The following CNTNAP3 variants were observed in gnomAD, a reference collection of about 807,000 sequenced individuals.
CNTNAP3 encodes contactin-associated protein-like 3.
In CNTNAP3, 36 loss-of-function variants were observed where a neutral mutation model predicts 92.1. That is an observed-to-expected ratio of 0.39 (90% CI 0.30 to 0.52). CNTNAP3 has a LOEUF of 0.52. Ranked by LOEUF, CNTNAP3 falls within the 20% of genes least tolerant of loss-of-function variation. The pLI is 0.76. For synonymous variants in CNTNAP3, 232 were observed against 422.3 expected (o/e 0.55, Z 5.53); for missense variants, 534 against 1,069.6 (o/e 0.50, Z 6.98).
In CNTNAP3 at chr9:39,067,271, C is replaced by T. The variant is rs1489236755; in HGVS notation, c.*6619G>A. On this transcript the variant is annotated 3_prime_UTR_variant, in exon 24 of 24. Coordinates refer to ENST00000297668, the MANE Select transcript of CNTNAP3 (RefSeq NM_033655.5). Reference sequence around the variant, plus strand: ...GTCATAATATTTTTCATTAGTAATTCTAACATCTGGGTATGTGCTGGGTCA... The same window carrying T: ...GTCATAATATTTTTCATTAGTAATTTTAACATCTGGGTATGTGCTGGGTCA... Among the ~76,000 whole-genome samples, 5 of 152,302 alleles carry T rather than the reference C, an allele frequency of 3.3e-5. No homozygotes were observed. The highest frequency in any genetic ancestry group is 7.3e-5 in the Non-Finnish European group (5 of 68,052).
In CNTNAP3 at chr9:39,067,161, A is replaced by G. The variant is rs1399371814; in HGVS notation, c.*6729T>C. 1.3e-5 allele frequency among the ~76,000 whole-genome samples: 2 copies of G among 152,422 alleles called. No individual in the cohort carries two copies. The highest frequency in any genetic ancestry group is 2.9e-5 in the Non-Finnish European group (2 of 68,050). The stretch of plus-strand genomic sequence containing the variant: ...TTAATTACATCCATTGTATTTTTTA[A>G]TCTTATACATTAACATTGTCATCTC... On this transcript the variant is annotated 3_prime_UTR_variant, in exon 24 of 24. Coordinates refer to ENST00000297668, the MANE Select transcript of CNTNAP3 (RefSeq NM_033655.5).
Position 39,084,528 on chromosome 9 carries a change from G to GA in CNTNAP3, c.3442+1207dup, listed in dbSNP as rs1564068608. ...ATATTTTTAAATGAAGGGATGAATC[G>GA]AAGATTTACAGGGACTCAAGAGAAA... On this transcript the variant is annotated intron_variant, in intron 21 of 23. Coordinates refer to ENST00000297668, the MANE Select transcript of CNTNAP3 (RefSeq NM_033655.5). Among the ~76,000 whole-genome samples the GA allele has an allele frequency of 4.0e-5, 6 of 149,134 alleles. No homozygotes were observed. The South Asian group carries it at 6.4e-4, about 16-fold the overall frequency.
chr9:39,170,434 T>A lies in CNTNAP3; in HGVS notation c.1333+935A>T, dbSNP rs1161378903. ...TCAGATTACGCTTTTTTTTTTTTTT[T>A]AAAGCCCCCATTTAGTTCCGATGCC... On this transcript the variant is annotated intron_variant, in intron 8 of 23. Transcript: ENST00000297668. Among the ~76,000 whole-genome samples the A allele has an allele frequency of 4.9e-5, 6 of 123,600 alleles. 1 individual carries two copies. Among genetic ancestry groups the A allele is most frequent in the South Asian group, 5.1e-4 (2 of 3,900 alleles). 81.1% of individuals were successfully genotyped at this position (123,600 alleles called of 152,430 possible). A position where few individuals can be genotyped will look rare whatever the true frequency, so the allele number is the denominator to read the frequency against.
chr9:39,103,931 A>C lies in CNTNAP3; in HGVS notation c.2366-17T>G. The C allele has an allele frequency of 6.4e-7, 1 of 1,559,506 alleles. No homozygotes were observed. Among genetic ancestry groups the C allele is most frequent in the Non-Finnish European group, 8.6e-7 (1 of 1,159,408 alleles). On this transcript the variant is annotated splice_polypyrimidine_tract_variant and intron_variant, in intron 15 of 23. Coordinates refer to ENST00000297668, the MANE Select transcript of CNTNAP3 (RefSeq NM_033655.5). ...AGAATGACTCTGTTTACAATAGAGA[A>C]AACGACAAAAGGAAAAAAAGTCATG... is the stretch of plus-strand genomic sequence containing the variant.
At chr9:39,122,595 A>G (rs1563884977) in intron 13 of CNTNAP3, among the ~76,000 whole-genome samples, 1 of 152,208 alleles carries the variant, frequency 6.6e-6, no homozygotes, top group Non-Finnish European at 1.5e-5. Context: ...CAGTTATGCA[A>G]AGAGCAAATT....
intron 11 of CNTNAP3, among the ~76,000 whole-genome samples, chr9:39,142,259 A>G (rs1821593941): frequency 6.6e-6 from 1 of 152,182 alleles, no homozygotes; most frequent in African/African-American, 2.4e-5. Context: ...CTTTTAGGTA[A>G]GATACTATGC....
At chr9:39,115,332 G>A (rs1253809946) in intron 14 of CNTNAP3, among the ~76,000 whole-genome samples, 1 of 151,658 alleles carries the variant, frequency 6.6e-6, no homozygotes, top group Non-Finnish European at 1.5e-5. Context: ...AAGTAATAAA[G>A]ACTAAGATTT....
intron 13 of CNTNAP3, among the ~76,000 whole-genome samples, chr9:39,129,616 G>A (rs1174386702): frequency 9.9e-5 from 15 of 152,082 alleles, no homozygotes; most frequent in Non-Finnish European, 1.3e-4. Context: ...ACCCATAAAA[G>A]GAAAATATGA....
intron 14 of CNTNAP3, among the ~76,000 whole-genome samples, chr9:39,116,209 G>A (rs1394050971): frequency 6.6e-6 from 1 of 152,020 alleles, no homozygotes; most frequent in East Asian, 1.9e-4. Context: ...AAAGCCACTA[G>A]CATATATGCC....
chr9:39,085,882 A>C, intron 20 of CNTNAP3, 59 bp from the exon 21 acceptor site: 2 of 1,396,720 alleles, frequency 1.4e-6, no homozygotes, highest in Non-Finnish European at 2.0e-6. Flanking sequence ...AATGATAAGG[A>C]AGCAAAGGAA....
chr9:39,217,358 GTATATATATATATATATA>G (rs58203008), intron 3 of CNTNAP3, among the ~76,000 whole-genome samples: 1 of 4,242 alleles, frequency 2.4e-4, no homozygotes, highest in African/African-American at 3.4e-4. Context: ...ATTTACATGA[GTATATATATATATATATA>G]TATATATATA....
intron 21 of CNTNAP3, 103 bp downstream of exon 21, chr9:39,085,633 A>G (rs1826047103): frequency 1.1e-6 from 1 of 915,788 alleles, no homozygotes; most frequent in African/African-American, 1.8e-5. Context: ...CTCACTGTGA[A>G]ATTATTATTC....
intron 21 of CNTNAP3, among the ~76,000 whole-genome samples, chr9:39,081,960 G>A (rs1216150595): frequency 2.0e-5 from 3 of 151,790 alleles, no homozygotes; most frequent in African/African-American, 7.3e-5. Flanking sequence ...GGTGGTGGGT[G>A]CCTGTAGTCT....
At chr9:39,147,416 T>G (rs1272726541) in intron 10 of CNTNAP3, among the ~76,000 whole-genome samples, 1 of 152,208 alleles carries the variant, frequency 6.6e-6, no homozygotes, top group Non-Finnish European at 1.5e-5. Flanking sequence ...CTCTGTAGAA[T>G]GTCATTTTGT....
Position 39,065,889 on chromosome 9 carries a change from T to C in CNTNAP3, c.*8001A>G, listed in dbSNP as rs1325701649. On this transcript the variant is annotated 3_prime_UTR_variant, in exon 24 of 24. Coordinates refer to ENST00000297668, the MANE Select transcript of CNTNAP3 (RefSeq NM_033655.5). The stretch of plus-strand genomic sequence containing the variant: ...CAGCATTCAAATAAAGTGTTGCAAA[T>C]ATTTTCTCCCAGTCTGTAGCTTGAC... 6.6e-6 allele frequency among the ~76,000 whole-genome samples: 1 copy of C among 152,170 alleles called. No individual in the cohort carries two copies. The highest frequency in any genetic ancestry group is 1.9e-4 in the East Asian group (1 of 5,204).
intron 18 of CNTNAP3, among the ~76,000 whole-genome samples, chr9:39,098,980 T>C (rs934197476): frequency 7.9e-5 from 12 of 151,780 alleles, no homozygotes; most frequent in African/African-American, 2.9e-4. Context: ...TTTTCTTTTT[T>C]TTTTTTTTCC....
chr9:39,132,251 G>A (rs1040985457), intron 13 of CNTNAP3, among the ~76,000 whole-genome samples: 7 of 152,162 alleles, frequency 4.6e-5, no homozygotes, highest in African/African-American at 1.2e-4. Flanking sequence ...GAGAGCAGCA[G>A]TGAGTCCTGC....
intron 14 of CNTNAP3, among the ~76,000 whole-genome samples, chr9:39,109,796 C>G (rs1348450001): frequency 6.6e-6 from 1 of 152,038 alleles, no homozygotes; most frequent in Non-Finnish European, 1.5e-5. Context: ...TAAATGATTA[C>G]AGAGAAGGGG....
intron 17 of CNTNAP3, among the ~76,000 whole-genome samples, chr9:39,101,429 G>T (rs556879364): frequency 6.7e-6 from 1 of 149,740 alleles, no homozygotes; most frequent in African/African-American, 2.4e-5. Flanking sequence ...AATCTGTGTA[G>T]CTCCTAAGTT....
Sources: allele counts gnomAD v4.1 joint callset (sites outside exome capture counted in the v4.1 genomes callset), GRCh38; gene constraint gnomAD v4.1.1; transcripts MANE v1.5; gene names NCBI Gene and HGNC (gene_info 2026-07-23, HGNC 2026-07-21).